The following SEZ6L variants were observed in gnomAD, a reference collection of about 807,000 sequenced individuals.
The protein encoded by SEZ6L is seizure related 6 homolog like, also known as seizure 6-like protein.
In SEZ6L, 37 loss-of-function variants were observed where a neutral mutation model predicts 106.2. The ratio of observed to expected loss-of-function variants is 0.35; its 90% confidence interval spans 0.27 to 0.46. The LOEUF (loss-of-function observed/expected upper bound fraction) is 0.46. Ranked by LOEUF, SEZ6L falls within the 20% of genes least tolerant of loss-of-function variation. SEZ6L has a pLI of 1.00. For synonymous variants in SEZ6L, 541 were observed against 570.4 expected (o/e 0.95, Z 0.73); for missense variants, 1,172 against 1,332.8 (o/e 0.88, Z 1.88).
intron 1 of SEZ6L, among the ~76,000 whole-genome samples, chr22:26,251,093 G>A (rs1431120042): frequency 6.6e-6 from 1 of 152,130 alleles, no homozygotes; most frequent in Non-Finnish European, 1.5e-5. Flanking sequence ...CTAAATATAA[G>A]ATCATGTCAT....
intron 1 of SEZ6L, among the ~76,000 whole-genome samples, chr22:26,276,153 C>T (rs1320979347): frequency 1.3e-5 from 2 of 152,222 alleles, no homozygotes; most frequent in Non-Finnish European, 2.9e-5. Flanking sequence ...ACAGTTCCCG[C>T]CTCTTAAATG....
chr22:26,338,386 A>C (rs1042145020), intron 9 of SEZ6L, among the ~76,000 whole-genome samples: 2 of 151,236 alleles, frequency 1.3e-5, no homozygotes, highest in African/African-American at 4.9e-5. Flanking sequence ...CCCATCATTC[A>C]TTGTTTTCTT....
intron 1 of SEZ6L, among the ~76,000 whole-genome samples, chr22:26,282,541 T>A (rs1297130032): frequency 6.6e-6 from 1 of 152,170 alleles, no homozygotes; most frequent in Non-Finnish European, 1.5e-5. Flanking sequence ...GTGGAGCATG[T>A]CTGCAAAGCA....
intron 1 of SEZ6L, among the ~76,000 whole-genome samples, chr22:26,270,116 C>T (rs954634855): frequency 6.6e-6 from 1 of 152,164 alleles, no homozygotes; most frequent in Non-Finnish European, 1.5e-5. Flanking sequence ...TCTTCTGAAC[C>T]TCAGTTTTCA....
At chr22:26,328,971 G>C (rs1349005035) in intron 9 of SEZ6L, among the ~76,000 whole-genome samples, 2 of 152,092 alleles carry the variant, frequency 1.3e-5, no homozygotes, top group Non-Finnish European at 1.5e-5. Context: ...CAGGGTTTCT[G>C]ATGGCCTGAT....
intron 9 of SEZ6L, among the ~76,000 whole-genome samples, chr22:26,327,137 C>A (rs1480942668): frequency 1.3e-5 from 2 of 152,052 alleles, no homozygotes; most frequent in East Asian, 1.9e-4. Context: ...TCTGTCAACT[C>A]TTCCTCCAGC....
At chr22:26,320,377 G>A (rs766567306) in intron 9 of SEZ6L, among the ~76,000 whole-genome samples, 1 of 152,146 alleles carries the variant, frequency 6.6e-6, no homozygotes, top group Non-Finnish European at 1.5e-5. Flanking sequence ...GGGGGGCATC[G>A]CCCTCCCCAA....
In SEZ6L at chr22:26,382,067, A is replaced by C. The variant is rs1180879524; in HGVS notation, c.*1772A>C. 1 of 518,596 alleles carries C rather than the reference A, an allele frequency of 1.9e-6. No homozygotes were observed. Among genetic ancestry groups the C allele is most frequent in the Non-Finnish European group, 3.8e-6 (1 of 259,758 alleles). 32.1% of individuals were successfully genotyped at this position (518,596 alleles called of 1,614,324 possible). The stretch of plus-strand genomic sequence containing the variant: ...TCAATCTTGGGGGTCTAAGACCAGA[A>C]TATTTTCCTTCTGCCAGAAAAGAAT... On this transcript the variant is annotated 3_prime_UTR_variant, in exon 17 of 17. Coordinates refer to ENST00000248933, the MANE Select transcript of SEZ6L (RefSeq NM_021115.5).
chr22:26,373,689 G>C (rs956306335), intron 14 of SEZ6L, among the ~76,000 whole-genome samples: 1 of 152,088 alleles, frequency 6.6e-6, no homozygotes, highest in Non-Finnish European at 1.5e-5. Flanking sequence ...AACCTGAAAG[G>C]GATTTGACAG....
chr22:26,303,566 A>G (rs1349233546), intron 5 of SEZ6L, among the ~76,000 whole-genome samples: 1 of 152,218 alleles, frequency 6.6e-6, no homozygotes, highest in African/African-American at 2.4e-5. Context: ...TTGAGTCTCA[A>G]CTGCTCCACT....
chr22:26,201,382 CAAAAAAA>C (rs71192905), intron 1 of SEZ6L, among the ~76,000 whole-genome samples: 23 of 75,312 alleles, frequency 3.1e-4, no homozygotes, highest in South Asian at 5.9e-4. Flanking sequence ...TACAAAAATA[CAAAAAAA>C]AAAAAAAAAA....
At position 26,212,048 on chromosome 22, in the gene SEZ6L, G is replaced by C. The variant is rs192406459; in HGVS notation, c.94+42285G>C. On this transcript the variant is annotated intron_variant, in intron 1 of 16. Coordinates refer to ENST00000248933, the MANE Select transcript of SEZ6L (RefSeq NM_021115.5). ...TGAAATAATAAAATGTGACGGACAA[G>C]TGGAAGCTAACTAGGTGAAGGGGAG... is the stretch of plus-strand genomic sequence containing the variant. Among the ~76,000 whole-genome samples the C allele has an allele frequency of 1.6e-3, 249 of 152,210 alleles. 1 individual carries two copies. The highest frequency in any genetic ancestry group is 5.7e-3 in the African/African-American group (235 of 41,554).
chr22:26,182,654 A>G (rs1334598668), intron 1 of SEZ6L, among the ~76,000 whole-genome samples: 1 of 152,042 alleles, frequency 6.6e-6, no homozygotes, highest in Non-Finnish European at 1.5e-5. Context: ...AGAATTTACA[A>G]TTTTATGATC....
intron 11 of SEZ6L, among the ~76,000 whole-genome samples, chr22:26,348,711 G>GAAA (rs2083152735): frequency 1.7e-5 from 1 of 58,452 alleles, no homozygotes; most frequent in African/African-American, 7.4e-5. Context: ...AGAAGGCAAG[G>GAAA]GAGGGAAGGG....
intron 1 of SEZ6L, among the ~76,000 whole-genome samples, chr22:26,265,343 G>A (rs947866548): frequency 2.6e-5 from 4 of 152,068 alleles, no homozygotes; most frequent in African/African-American, 7.2e-5. Context: ...AGAACCTCCC[G>A]CACGCAAGTT....
intron 10 of SEZ6L, among the ~76,000 whole-genome samples, chr22:26,340,840 C>T (rs1399208285): frequency 6.6e-6 from 1 of 152,180 alleles, no homozygotes; most frequent in African/African-American, 2.4e-5. Flanking sequence ...GTCTGTGTGG[C>T]TTTGGGAAAG....
At chr22:26,320,268 G>A (rs189898531) in intron 9 of SEZ6L, among the ~76,000 whole-genome samples, 5 of 152,214 alleles carry the variant, frequency 3.3e-5, no homozygotes, top group Non-Finnish European at 2.9e-5. Flanking sequence ...GGGGCTTGGG[G>A]AGCCTGTATC....
chr22:26,266,416 A>T (rs71321083), intron 1 of SEZ6L, among the ~76,000 whole-genome samples: 1 of 145,948 alleles, frequency 6.9e-6, no homozygotes, highest in Admixed American at 6.7e-5. Context: ...AAAAAAAAAT[A>T]CAAAAATTTA....
intron 1 of SEZ6L, among the ~76,000 whole-genome samples, chr22:26,255,692 C>A (rs1429717689): frequency 6.6e-6 from 1 of 152,210 alleles, no homozygotes; most frequent in Non-Finnish European, 1.5e-5. Context: ...TCCATGTCTA[C>A]TTTCTCCAGC....
Sources: allele counts gnomAD v4.1 joint callset (sites outside exome capture counted in the v4.1 genomes callset), GRCh38; gene constraint gnomAD v4.1.1; transcripts MANE v1.5; gene names NCBI Gene and HGNC (gene_info 2026-07-23, HGNC 2026-07-21).